The following PCDHA8 variants were observed in gnomAD, a reference collection of about 807,000 sequenced individuals.
PCDHA8 encodes protocadherin alpha-8.
A neutral mutation model predicts 61.8 loss-of-function variants in PCDHA8; 53 were observed. That is an observed-to-expected ratio of 0.86 (90% CI 0.69 to 1.08). The LOEUF (loss-of-function observed/expected upper bound fraction) is 1.08. Ranked by LOEUF, PCDHA8 falls within the 50% of genes least tolerant of loss-of-function variation. PCDHA8 has a pLI of 0.00. For synonymous variants in PCDHA8, 618 were observed against 556.6 expected (o/e 1.11, Z -1.55); for missense variants, 1,293 against 1,245.0 (o/e 1.04, Z -0.58).
chr5:140,884,490 G>A (rs2060210547), intron 1 of PCDHA8: 1 of 1,614,064 alleles, frequency 6.2e-7, no homozygotes, highest in Non-Finnish European at 8.5e-7. Flanking sequence ...ACTCTAGTGT[G>A]CTCCAGCGCG....
At chr5:140,986,508 G>T (rs1043049646) in intron 3 of PCDHA8, among the ~76,000 whole-genome samples, 26 of 152,184 alleles carry the variant, frequency 1.7e-4, no homozygotes, top group African/African-American at 5.3e-4. Context: ...TAAAAGGACT[G>T]CCCCTGCCTG....
At chr5:140,988,625 T>A (rs1406223989) in intron 3 of PCDHA8, among the ~76,000 whole-genome samples, 1 of 152,176 alleles carries the variant, frequency 6.6e-6, no homozygotes, top group Non-Finnish European at 1.5e-5. Context: ...AATGGAGATG[T>A]CCTGGTTTTC....
intron 2 of PCDHA8, among the ~76,000 whole-genome samples, chr5:140,981,529 G>A (rs1014315292): frequency 3.9e-5 from 6 of 152,196 alleles, no homozygotes; most frequent in East Asian, 1.9e-4. Flanking sequence ...AGCTGAGATC[G>A]TGCCACTGTA....
intron 1 of PCDHA8, chr5:140,865,673 C>A (rs1438550706): frequency 6.6e-6 from 1 of 152,132 alleles, no homozygotes; most frequent in Non-Finnish European, 1.5e-5. Flanking sequence ...ATAACAATTT[C>A]TAAAGTACAT....
chr5:140,928,399 T>C (rs1554205848), intron 1 of PCDHA8: 1 of 1,613,926 alleles, frequency 6.2e-7, no homozygotes, highest in African/African-American at 1.3e-5. Flanking sequence ...AGTGGAATCA[T>C]CCAGTGGGGC....
At chr5:140,862,753 A>C (rs2047525211) in intron 1 of PCDHA8, 1 of 577,638 alleles carries the variant, frequency 1.7e-6, no homozygotes, top group Non-Finnish European at 3.3e-6. Context: ...GCACGCGGAG[A>C]GCGGCAAGAG....
Position 140,849,822 on chromosome 5 carries a change from G to T in PCDHA8, c.2394+6107G>T, listed in dbSNP as rs2150452005. 3.8e-6 allele frequency: 6 copies of T among 1,598,508 alleles called. 1 individual carries two copies. The African/African-American group carries it at 8.1e-5, about 21-fold the overall frequency. ...ACTGTGGGCCACGGCCAGGGTGTCT[G>T]TGGAGGTGGCCGACGTGAACGACAA... On this transcript the variant is annotated intron_variant, in intron 1 of 3. Coordinates refer to ENST00000531613, the MANE Select transcript of PCDHA8 (RefSeq NM_018911.3).
intron 3 of PCDHA8, among the ~76,000 whole-genome samples, chr5:140,992,035 G>C (rs529236840): frequency 6.6e-6 from 1 of 151,988 alleles, no homozygotes; most frequent in South Asian, 2.1e-4. Flanking sequence ...GTGTGTGTGT[G>C]TGTGTGTGTG....
At chr5:140,877,736 G>A (rs979836328) in intron 1 of PCDHA8, 22 of 1,614,170 alleles carry the variant, frequency 1.4e-5, no homozygotes, top group East Asian at 2.2e-5. Flanking sequence ...CAGCAGAGGA[G>A]GCAGAGGGTG....
In PCDHA8 at chr5:140,841,759, A is replaced by T; in HGVS notation, c.438A>T (p.Arg146Ser). 6.2e-7 allele frequency: 1 copy of T among 1,613,894 alleles called. No homozygotes were observed. Among genetic ancestry groups the T allele is most frequent in the South Asian group, 1.1e-5 (1 of 91,074 alleles). The change falls in exon 1 of 4, where the codon AGA becomes AGT. Residue 146 changes from arginine (R) to serine (S), a missense_variant. Physicochemically the swap from Arg to Ser is moderately radical, Grantham distance 110. Transcript: ENST00000531613. ...AAAAGCTGTTTGTTTCAGAATCCAGAATGCCAGACTCTCGGTTTCCGCTAG... is the reference window on the plus strand; with the variant it reads ...AAAAGCTGTTTGTTTCAGAATCCAGTATGCCAGACTCTCGGTTTCCGCTAG... ...KDQKLFVSESRMPDSRFPLEG... is the reference protein window; with the variant it reads ...KDQKLFVSESSMPDSRFPLEG...
In PCDHA8 at chr5:140,858,494, C is replaced by T. The variant is rs1451749220; in HGVS notation, c.2394+14779C>T. 40 of 1,482,664 alleles carry T rather than the reference C, an allele frequency of 2.7e-5. 3 individuals carry two copies. In the Middle Eastern group the frequency reaches 5.1e-4, roughly 19 times the overall value. 91.8% of individuals were successfully genotyped at this position (1,482,664 alleles called of 1,614,324 possible). A position where few individuals can be genotyped will look rare whatever the true frequency, so the allele number is the denominator to read the frequency against. On this transcript the variant is annotated intron_variant, in intron 1 of 3. Transcript: ENST00000531613. Reference sequence around the variant, plus strand: ...CTTTATGAATAATATTTTCTCTTACCGCATTTTCTCAAATATGTATCAGAA... The same window carrying T: ...CTTTATGAATAATATTTTCTCTTACTGCATTTTCTCAAATATGTATCAGAA...
chr5:140,978,295 A>G (rs1222694864), intron 1 of PCDHA8, among the ~76,000 whole-genome samples: 2 of 152,246 alleles, frequency 1.3e-5, no homozygotes, highest in Non-Finnish European at 2.9e-5. Context: ...GAGGAGGGAA[A>G]GCACTCAGGA....
Position 140,856,181 on chromosome 5 carries a change from G to A in PCDHA8, c.2394+12466G>A, listed in dbSNP as rs781803033. 3.8e-6 allele frequency: 6 copies of A among 1,598,228 alleles called. No individual in the cohort carries two copies. In the East Asian group the frequency reaches 1.3e-4, roughly 36 times the overall value. ...GGAGGCCAGACACGGCACCTTCGTG[G>A]GCCGCATCGCGCAGGACCTGGGGCT... On this transcript the variant is annotated intron_variant, in intron 1 of 3. Transcript: ENST00000531613.
intron 3 of PCDHA8, among the ~76,000 whole-genome samples, chr5:140,985,892 A>G (rs2097176300): frequency 1.3e-5 from 2 of 151,830 alleles, no homozygotes; most frequent in Non-Finnish European, 2.9e-5. Flanking sequence ...GGCGCCCGCC[A>G]CCACTCCCGT....
At chr5:141,002,014 C>T (rs1025365420) in intron 3 of PCDHA8, among the ~76,000 whole-genome samples, 1 of 152,220 alleles carries the variant, frequency 6.6e-6, no homozygotes, top group Non-Finnish European at 1.5e-5. Context: ...AGAATCTGCA[C>T]AGCCTTCGGT....
At chr5:140,929,207 G>C (rs782298445) in intron 1 of PCDHA8, 2 of 1,613,988 alleles carry the variant, frequency 1.2e-6, no homozygotes, top group Admixed American at 1.7e-5. Context: ...TTGCTGTTGC[G>C]TGGGGAGTAC....
intron 1 of PCDHA8, chr5:140,870,230 G>A (rs782759965): frequency 9.3e-6 from 15 of 1,614,032 alleles, no homozygotes; most frequent in Non-Finnish European, 1.3e-5. Flanking sequence ...GTGTCTGACC[G>A]TGACTCAGGT....
At chr5:140,970,464 G>T (rs2096408291) in intron 1 of PCDHA8, among the ~76,000 whole-genome samples, 1 of 152,154 alleles carries the variant, frequency 6.6e-6, no homozygotes, top group African/African-American at 2.4e-5. Flanking sequence ...ATTTAAGTAG[G>T]TATAAGGCCA....
At chr5:140,948,351 A>G (rs951541212) in intron 1 of PCDHA8, among the ~76,000 whole-genome samples, 1 of 151,646 alleles carries the variant, frequency 6.6e-6, no homozygotes, top group East Asian at 1.9e-4. Flanking sequence ...TTCTAACCTA[A>G]TAAAATGACT....
Sources: allele counts gnomAD v4.1 joint callset (sites outside exome capture counted in the v4.1 genomes callset), GRCh38; gene constraint gnomAD v4.1.1; transcripts MANE v1.5; gene names NCBI Gene and HGNC (gene_info 2026-07-23, HGNC 2026-07-21).